The following ZSCAN16 variants were observed in gnomAD, a reference collection of about 807,000 sequenced individuals.
The protein encoded by ZSCAN16 is zinc finger and SCAN domain containing 16.
A neutral mutation model predicts 19.4 loss-of-function variants in ZSCAN16; 15 were observed. That is an observed-to-expected ratio of 0.77 (90% CI 0.52 to 1.19). ZSCAN16 has a LOEUF of 1.19. Ranked by LOEUF, ZSCAN16 falls within the 50% of genes most tolerant of loss-of-function variation. The pLI, the probability that ZSCAN16 is intolerant of heterozygous loss-of-function variation, is 0.00. For synonymous variants in ZSCAN16, 138 were observed against 146.5 expected (o/e 0.94, Z 0.42); for missense variants, 327 against 415.7 (o/e 0.79, Z 1.86).
rs184049206 is a variant in ZSCAN16, at chr6:28,127,256, C to T, written c.526+335C>T. Among the ~76,000 whole-genome samples the T allele has an allele frequency of 1.3e-3, 198 of 152,294 alleles. 1 individual carries two copies. The South Asian group carries it at 0.023, about 18-fold the overall frequency. ...TGGCACTCTGTATTAGTCAGCGAGG[C>T]CTGTCATACAGAATACCATGGACTT... On this transcript the variant is annotated intron_variant, in intron 3 of 3. Coordinates refer to ENST00000340487, the MANE Select transcript of ZSCAN16 (RefSeq NM_025231.3).
At chr6:28,124,847 G>C (rs1764849074) in intron 1 of ZSCAN16, among the ~76,000 whole-genome samples, 170 bp downstream of exon 1, 1 of 152,236 alleles carries the variant, frequency 6.6e-6, no homozygotes, top group Admixed American at 6.5e-5. Context: ...TTCCGGGAGA[G>C]GATGGGTGGA....
Position 28,129,720 on chromosome 6 carries a change from T to C in ZSCAN16, c.817T>C (p.Phe273Leu), listed in dbSNP as rs2113715109. 1 of 1,614,122 alleles carries C rather than the reference T, an allele frequency of 6.2e-7. No homozygotes were observed. The highest frequency in any genetic ancestry group is 2.2e-5 in the East Asian group (1 of 44,886). ...PYKCDECGKA[F>L]IQRSHLIGHH... The stretch of plus-strand genomic sequence containing the variant: ...TAAATGTGATGAGTGTGGAAAAGCC[T>C]TCATTCAGCGCTCACATCTCATTGG... The change falls in exon 4 of 4, where the codon TTC becomes CTC. Residue 273 changes from phenylalanine (F) to leucine (L), a missense_variant. By Grantham distance (22) the Phe-to-Leu change is conservative. Coordinates refer to ENST00000340487, the MANE Select transcript of ZSCAN16 (RefSeq NM_025231.3).
At chr6:28,129,399 G>C in intron 3 of ZSCAN16, 31 bp from the exon 4 acceptor site, 2 of 1,556,420 alleles carry the variant, frequency 1.3e-6, no homozygotes, top group Non-Finnish European at 1.7e-6. Flanking sequence ...CATAGAATAG[G>C]ACCCGTTTGT....
chr6:28,128,342 GA>G (rs1203738600), intron 3 of ZSCAN16, among the ~76,000 whole-genome samples: 2 of 152,062 alleles, frequency 1.3e-5, no homozygotes, highest in Non-Finnish European at 2.9e-5. Context: ...CTATATGCCA[GA>G]CACTATACTA....
At position 28,129,545 on chromosome 6, in the gene ZSCAN16, T is replaced by C; in HGVS notation, c.642T>C (p.Pro214=). The C allele has an allele frequency of 6.2e-7, 1 of 1,614,138 alleles. No homozygotes were observed. Among genetic ancestry groups the C allele is most frequent in the Non-Finnish European group, 8.5e-7 (1 of 1,180,020 alleles). ...TGAACAAAGATACTCCTCAGCATCC[T>C]AAGTCCAAAGATATTATTGAAAATG... ...DRLNKDTPQH[P]KSKDIIENEG... The change falls in exon 4 of 4, where the codon CCT becomes CCC. Residue 214 remains proline, a synonymous_variant. Coordinates refer to ENST00000340487, the MANE Select transcript of ZSCAN16 (RefSeq NM_025231.3).
chr6:28,125,670 C>A lies in ZSCAN16; in HGVS notation c.227C>A (p.Thr76Asn), dbSNP rs1400961947. 1 of 1,614,216 alleles carries A rather than the reference C, an allele frequency of 6.2e-7. No homozygotes were observed. Among genetic ancestry groups the A allele is most frequent in the Non-Finnish European group, 8.5e-7 (1 of 1,180,038 alleles). The change falls in exon 2 of 4, where the codon ACC becomes AAC. Residue 76 changes from threonine (T) to asparagine (N), a missense_variant. Thr to Asn is a moderately conservative substitution (Grantham distance 65). Transcript: ENST00000340487. This position sits in a 1 kb window ranked among gnomAD's most constrained non-coding sequence, Gnocchi z 6.2. ...CAGTGGCTGAGGCCAGAATGCCACA[C>A]CAAGGAGCAGATTTTAGACCTGCTG... ...CRQWLRPECH[T>N]KEQILDLLVL...
intron 3 of ZSCAN16, among the ~76,000 whole-genome samples, chr6:28,127,645 AGAC>A (rs1409748935): frequency 1.3e-5 from 2 of 152,228 alleles, no homozygotes; most frequent in Non-Finnish European, 2.9e-5. Context: ...TAGGGAAGAG[AGAC>A]AATGATCAGT....
intron 3 of ZSCAN16, 156 bp downstream of exon 3, chr6:28,127,077 G>T: frequency 1.6e-6 from 1 of 629,454 alleles, no homozygotes. Context: ...GCTCCATGAT[G>T]GAGTTATATT....
In ZSCAN16 at chr6:28,126,896, G is replaced by A; in HGVS notation, c.501G>A (p.Gln167=). ...QLHPKKTQLE[Q]EAGKPQRNGD... ...ATCCCAAAAAGACCCAGCTGGAGCA[G>A]GAAGCTGGGAAACCACAAAGGAATG... is the stretch of plus-strand genomic sequence containing the variant. Residue 167 remains glutamine (Q), a synonymous_variant, in exon 3 of 4, where the codon CAG becomes CAA. Transcript: ENST00000340487. 1 of 1,581,608 alleles carries A rather than the reference G, an allele frequency of 6.3e-7. No individual in the cohort carries two copies.
chr6:28,127,852 C>A (rs978992147), intron 3 of ZSCAN16, among the ~76,000 whole-genome samples: 3 of 152,150 alleles, frequency 2.0e-5, no homozygotes, highest in African/African-American at 7.2e-5. Context: ...TAGAGGCTCC[C>A]ATGTCTAATA....
intron 2 of ZSCAN16, among the ~76,000 whole-genome samples, chr6:28,126,326 A>G (rs1303068816): frequency 2.6e-5 from 4 of 152,204 alleles, no homozygotes; most frequent in African/African-American, 4.8e-5. Flanking sequence ...CATGTAATCA[A>G]TATTTTTAAT....
In ZSCAN16 at chr6:28,129,977, G is replaced by A. The variant is rs369659637; in HGVS notation, c.*27G>A. 6.6e-7 allele frequency: 1 copy of A among 1,506,734 alleles called. No individual in the cohort carries two copies. The highest frequency in any genetic ancestry group is 8.9e-7 in the Non-Finnish European group (1 of 1,120,412). 93.3% of individuals were successfully genotyped at this position (1,506,734 alleles called of 1,614,324 possible). On this transcript the variant is annotated 3_prime_UTR_variant, in exon 4 of 4. Coordinates refer to ENST00000340487, the MANE Select transcript of ZSCAN16 (RefSeq NM_025231.3). ...ATAGCAGTAATATCAAAAGTTCTTT[G>A]GACACTCAGGCCTAACTAGTTATCA...
At position 28,126,836 on chromosome 6, in the gene ZSCAN16, G is replaced by A; in HGVS notation, c.441G>A (p.Leu147=). ...RDILMDKLAP[L]GRPYESLTVQ... Reference sequence around the variant, plus strand: ...TACTCATGGACAAGTTGGCCCCCTTGGGAAGGCCATATGAATCACTGACTG... The same window carrying A: ...TACTCATGGACAAGTTGGCCCCCTTAGGAAGGCCATATGAATCACTGACTG... Residue 147 remains leucine, a synonymous_variant, in exon 3 of 4, where the codon TTG becomes TTA. Coordinates refer to ENST00000340487, the MANE Select transcript of ZSCAN16 (RefSeq NM_025231.3). 1 of 1,588,428 alleles carries A rather than the reference G, an allele frequency of 6.3e-7. No individual in the cohort carries two copies. The highest frequency in any genetic ancestry group is 8.6e-7 in the Non-Finnish European group (1 of 1,163,242).
At chr6:28,129,314 G>A (rs1457451213) in intron 3 of ZSCAN16, 116 bp from the exon 4 acceptor site, 1 of 1,304,490 alleles carries the variant, frequency 7.7e-7, no homozygotes, top group African/African-American at 1.5e-5. Flanking sequence ...TGTGTTGTAT[G>A]TGACTTCTCA....
rs200196819 is a variant in ZSCAN16 at position 28,129,861 on chromosome 6, T to C, written c.958T>C (p.Tyr320His). The change falls in exon 4 of 4, where the codon TAT (tyrosine) becomes CAT (histidine). Residue 320 changes from tyrosine (Y) to histidine (H), a missense_variant. By Grantham distance (83) the Tyr-to-His change is moderately conservative. Transcript: ENST00000340487. ...GAGAATCCACACAGGTGAAAAACCCTATGAATGTGATGAGTGTGGAAGGCC... is the reference window on the plus strand; with the variant it reads ...GAGAATCCACACAGGTGAAAAACCCCATGAATGTGATGAGTGTGGAAGGCC... ...HQRIHTGEKPYECDECGRPFR... is the reference protein window; with the variant it reads ...HQRIHTGEKPHECDECGRPFR... 6.2e-6 allele frequency: 10 copies of C among 1,614,080 alleles called. No individual in the cohort carries two copies. Among genetic ancestry groups the C allele is most frequent in the African/African-American group, 1.3e-5 (1 of 74,954 alleles).
chr6:28,126,960 A>T, intron 3 of ZSCAN16, 39 bp downstream of exon 3: 1 of 1,411,678 alleles, frequency 7.1e-7, no homozygotes, highest in African/African-American at 1.4e-5. Flanking sequence ...GGGTAGAGGT[A>T]CTTCCTTAGG....
At chr6:28,126,561 C>G (rs1764908819) in intron 2 of ZSCAN16, among the ~76,000 whole-genome samples, 1 of 152,200 alleles carries the variant, frequency 6.6e-6, no homozygotes, top group South Asian at 2.1e-4. Context: ...TGATCCTGGA[C>G]TTCTGCAGAT....
At position 28,125,529 on chromosome 6, in the gene ZSCAN16, C is replaced by T. The variant is rs1764872158; in HGVS notation, c.86C>T (p.Ser29Leu). ...CATTACTGGGGACAGGATTCCAGCT[C>T]ACAAAAGTGCAGTCCTCACAGGAGG... is the stretch of plus-strand genomic sequence containing the variant. ...EDHYWGQDSS[S>L]QKCSPHRREL... Residue 29 changes from serine to leucine, a missense_variant, in exon 2 of 4, where the codon TCA (serine) becomes TTA (leucine). Coordinates refer to ENST00000340487, the MANE Select transcript of ZSCAN16 (RefSeq NM_025231.3). This position sits in a 1 kb window ranked among gnomAD's most constrained non-coding sequence, Gnocchi z 6.2. 1 of 1,614,068 alleles carries T rather than the reference C, an allele frequency of 6.2e-7. No individual in the cohort carries two copies. The highest frequency in any genetic ancestry group is 1.7e-5 in the Admixed American group (1 of 60,006).
chr6:28,127,538 T>A (rs1764941586), intron 3 of ZSCAN16, among the ~76,000 whole-genome samples: 1 of 152,184 alleles, frequency 6.6e-6, no homozygotes, highest in Admixed American at 6.5e-5. Context: ...AGCCCTATCG[T>A]CATATACAGT....
Sources: gnomAD v4.1 joint callset for allele counts (sites outside exome capture counted in the v4.1 genomes callset) on GRCh38, gnomAD v4.1.1 for gene constraint, Gnocchi (gnomAD v3.1) non-coding constraint, MANE v1.5 for transcripts, NCBI Gene and HGNC (gene_info 2026-07-23, HGNC 2026-07-21) for gene names.